Variants in KPNA6 observed in about 807,000 individuals in gnomAD.
The protein encoded by KPNA6 is karyopherin subunit alpha 6, also known as importin subunit alpha-7.
Under a neutral mutation model 72.0 loss-of-function variants are expected in KPNA6, and 9 were observed. The observed-to-expected ratio is 0.13, with a 90% CI of 0.08 to 0.22. The LOEUF (loss-of-function observed/expected upper bound fraction) is 0.22. Among genes scored for constraint, KPNA6 ranks in the 10% least tolerant of loss-of-function variants. The probability of loss-of-function intolerance (pLI) is 1.00; values close to 1 mark genes in which losing one functional copy is unlikely to be tolerated. For missense variants in KPNA6, 374 were observed against 655.7 expected (o/e 0.57, Z 4.69); for synonymous variants, 219 against 242.1 (o/e 0.90, Z 0.89).
chr1:32,167,922 T>C (rs932930546), intron 12 of KPNA6, among the ~76,000 whole-genome samples: 1 of 151,114 alleles, frequency 6.6e-6, no homozygotes, highest in African/African-American at 2.4e-5. Context: ...TCCCAGCACC[T>C]TGGGAAGCTG....
chr1:32,137,364 G>A (rs1052635427), intron 1 of KPNA6, among the ~76,000 whole-genome samples: 1 of 151,918 alleles, frequency 6.6e-6, no homozygotes, highest in South Asian at 2.1e-4. Flanking sequence ...TTTCAGAGAC[G>A]GTTTTGCTAG....
intron 1 of KPNA6, among the ~76,000 whole-genome samples, chr1:32,128,720 C>T (rs1641585656): frequency 6.6e-6 from 1 of 151,986 alleles, no homozygotes; most frequent in African/African-American, 2.4e-5. Flanking sequence ...CAGGCTTGCA[C>T]ATAACACCCT....
At chr1:32,143,410 C>G (rs928356807) in intron 1 of KPNA6, among the ~76,000 whole-genome samples, 3 of 151,324 alleles carry the variant, frequency 2.0e-5, no homozygotes, top group Non-Finnish European at 2.9e-5. Context: ...CATGGAGAAA[C>G]TCCATCTCTA....
In KPNA6 at chr1:32,156,885, T is replaced by C. The variant is rs1183495212; in HGVS notation, c.171T>C (p.Asn57=). The change falls in exon 3 of 14, where the codon AAT becomes AAC. Residue 57 remains asparagine, a synonymous_variant. Transcript: ENST00000373625. ...AACGGAGAAATGTGGAGCTGATTAA[T>C]GAAGAAGCTGCCATGTTCGATAGTC... The part of the protein sequence containing the change: ...LFKRRNVELI[N]EEAAMFDSLL... 1 of 1,614,144 alleles carries C rather than the reference T, an allele frequency of 6.2e-7. No homozygotes were observed. Among genetic ancestry groups the C allele is most frequent in the East Asian group, 2.2e-5 (1 of 44,886 alleles).
At chr1:32,109,666 C>T (rs1224380447) in intron 1 of KPNA6, among the ~76,000 whole-genome samples, 3 of 140,928 alleles carry the variant, frequency 2.1e-5, no homozygotes, top group East Asian at 2.1e-4. Context: ...TTTTTTGAGA[C>T]GGAGTCTGGC....
chr1:32,130,225 T>A (rs1457323929), intron 1 of KPNA6, among the ~76,000 whole-genome samples: 18 of 135,448 alleles, frequency 1.3e-4, no homozygotes, highest in South Asian at 6.6e-4. Flanking sequence ...GATAAATATT[T>A]TTTTTTTTTT....
At chr1:32,152,725 G>A (rs1642056446) in intron 1 of KPNA6, among the ~76,000 whole-genome samples, 1 of 151,964 alleles carries the variant, frequency 6.6e-6, no homozygotes, top group Non-Finnish European at 1.5e-5. Context: ...GGCGCCTGTA[G>A]TCCCAGCTAC....
intron 1 of KPNA6, among the ~76,000 whole-genome samples, chr1:32,114,680 G>T (rs1641298415): frequency 6.6e-6 from 1 of 152,110 alleles, no homozygotes; most frequent in Non-Finnish European, 1.5e-5. Flanking sequence ...GCCAGGCATT[G>T]ACTTCTCTCT....
rs1350459678 is a variant in KPNA6 at position 32,174,371 on chromosome 1, C to T, written c.*3477C>T. 2.0e-5 allele frequency: 3 copies of T among 152,258 alleles called. No individual in the cohort carries two copies. Among genetic ancestry groups the T allele is most frequent in the Non-Finnish European group, 4.4e-5 (3 of 68,062 alleles). The allele number at this position is 152,258 out of a possible 1,614,324, so 9.4% of individuals were successfully genotyped here. A position where few individuals can be genotyped will look rare whatever the true frequency, so the allele number is the denominator to read the frequency against. ...AAGAAGGTTCTCAGGCACAGACTTT[C>T]TATTTTTCTCAAGCCAAACCAGTTT... is the stretch of plus-strand genomic sequence containing the variant. On this transcript the variant is annotated 3_prime_UTR_variant, in exon 14 of 14. Transcript: ENST00000373625.
intron 1 of KPNA6, among the ~76,000 whole-genome samples, chr1:32,134,092 A>AT (rs79086099): frequency 0.01 from 1,499 of 142,940 alleles, 33 homozygotes; most frequent in African/African-American, 0.034. Context: ...AAAATACAAA[A>AT]TTTTTTTTTT....
chr1:32,144,119 T>C, intron 1 of KPNA6, among the ~76,000 whole-genome samples: 1 of 152,266 alleles, frequency 6.6e-6, no homozygotes, highest in African/African-American at 2.4e-5. Context: ...TTGAGAACAA[T>C]AATAATAAAA....
chr1:32,166,956 A>AATAT (rs1642350984), intron 11 of KPNA6, among the ~76,000 whole-genome samples: 2 of 152,056 alleles, frequency 1.3e-5, no homozygotes, highest in Non-Finnish European at 2.9e-5. Flanking sequence ...TAAATAAATA[A>AATAT]ATAAATTGGA....
chr1:32,139,526 C>T (rs1311718973), intron 1 of KPNA6, among the ~76,000 whole-genome samples: 5 of 152,038 alleles, frequency 3.3e-5, no homozygotes, highest in Non-Finnish European at 7.4e-5. Context: ...CTATTCTAGC[C>T]CCTAGACTTA....
At chr1:32,145,900 G>A (rs768592663) in intron 1 of KPNA6, among the ~76,000 whole-genome samples, 2 of 152,066 alleles carry the variant, frequency 1.3e-5, no homozygotes, top group Non-Finnish European at 2.9e-5. Context: ...CTTAATTTCT[G>A]TATATTTGTG....
chr1:32,108,887 G>T (rs1428487627), intron 1 of KPNA6, among the ~76,000 whole-genome samples: 1 of 152,216 alleles, frequency 6.6e-6, no homozygotes, highest in Non-Finnish European at 1.5e-5. Context: ...TCTGTTCAGA[G>T]AGAATACCAT....
chr1:32,139,957 ATG>A (rs1472841608), intron 1 of KPNA6, among the ~76,000 whole-genome samples: 1 of 152,250 alleles, frequency 6.6e-6, no homozygotes, highest in Non-Finnish European at 1.5e-5. Context: ...AACAAATACA[ATG>A]TGTGAACCTT....
At chr1:32,155,745 G>T (rs1570054788) in intron 2 of KPNA6, among the ~76,000 whole-genome samples, 1 of 141,128 alleles carries the variant, frequency 7.1e-6, no homozygotes, top group African/African-American at 2.7e-5. Flanking sequence ...TTTATTTATT[G>T]AGACAAGGTC....
chr1:32,119,815 G>A (rs1177663991), intron 1 of KPNA6, among the ~76,000 whole-genome samples: 1 of 149,874 alleles, frequency 6.7e-6, no homozygotes, highest in African/African-American at 2.5e-5. Flanking sequence ...CACGATCTCA[G>A]CTCACTATAA....
At chr1:32,158,777 G>T (rs1257463788) in intron 5 of KPNA6, among the ~76,000 whole-genome samples, 2 of 152,166 alleles carry the variant, frequency 1.3e-5, no homozygotes, top group Non-Finnish European at 2.9e-5. Context: ...AAGTTCAAAA[G>T]TAATGTTAGG....
Sources: allele counts gnomAD v4.1 joint callset (sites outside exome capture counted in the v4.1 genomes callset), GRCh38; gene constraint gnomAD v4.1.1; transcripts MANE v1.5; gene names NCBI Gene and HGNC (gene_info 2026-07-23, HGNC 2026-07-21).